EMC8: variants seen among roughly 807,000 people sequenced by gnomAD.
The protein encoded by EMC8 is ER membrane protein complex subunit 8.
EMC8 carries 11 observed loss-of-function variants against 24.3 expected under a neutral mutation model. The observed-to-expected ratio is 0.45, with a 90% CI of 0.28 to 0.75. The LOEUF (loss-of-function observed/expected upper bound fraction) is 0.75. Ranked by LOEUF, EMC8 falls within the 30% of genes least tolerant of loss-of-function variation. The pLI is 0.12. For missense variants in EMC8, 277 were observed against 282.7 expected (o/e 0.98, Z 0.14); for synonymous variants, 145 against 117.7 (o/e 1.23, Z -1.50).
intron 2 of EMC8, among the ~76,000 whole-genome samples, chr16:85,788,660 G>C (rs147864274): frequency 6.6e-6 from 1 of 152,162 alleles, no homozygotes; most frequent in African/African-American, 2.4e-5. Flanking sequence ...ACCACCCCTA[G>C]TCTGGGAAGG....
At chr16:85,782,157 C>A (rs992508715) in intron 2 of EMC8, among the ~76,000 whole-genome samples, 2 of 152,196 alleles carry the variant, frequency 1.3e-5, no homozygotes, top group Non-Finnish European at 2.9e-5. Flanking sequence ...AACTCCAAGC[C>A]TCCCGGGCCC....
At chr16:85,780,593 G>A (rs1328849337) in intron 3 of EMC8, 120 bp from the exon 4 acceptor site, 9 of 697,000 alleles carry the variant, frequency 1.3e-5, no homozygotes, top group African/African-American at 5.2e-5. Context: ...AGACTCTTCC[G>A]ACAGAGCCTG....
At position 85,780,527 on chromosome 16, in the gene EMC8, C is replaced by A. The variant is rs569607555; in HGVS notation, c.379-54G>T. 9 of 1,341,418 alleles carry A rather than the reference C, an allele frequency of 6.7e-6. No individual in the cohort carries two copies. The South Asian group carries it at 8.4e-5, about 13-fold the overall frequency. The allele number at this position is 1,341,418 out of a possible 1,614,324, so 83.1% of individuals were successfully genotyped here. A position where few individuals can be genotyped will look rare whatever the true frequency, so the allele number is the denominator to read the frequency against. Reference sequence around the variant, plus strand: ...GAACAGAATGCCAGCCAAACAGCAGCGGCAGGCGCCTCCTCGGGGCTCTCC... The same window carrying A: ...GAACAGAATGCCAGCCAAACAGCAGAGGCAGGCGCCTCCTCGGGGCTCTCC... On this transcript the variant is annotated intron_variant, in intron 3 of 4. Coordinates refer to ENST00000253457, the MANE Select transcript of EMC8 (RefSeq NM_006067.5).
chr16:85,779,971 G>C (rs1428930171), intron 4 of EMC8, 104 bp from the exon 5 acceptor site: 9 of 900,060 alleles, frequency 1.0e-5, no homozygotes, highest in Non-Finnish European at 1.8e-6. Context: ...TATGAACAGA[G>C]ATGGTGCAGA....
At chr16:85,780,595 C>T in intron 3 of EMC8, 122 bp from the exon 4 acceptor site, 3 of 695,248 alleles carry the variant, frequency 4.3e-6, no homozygotes, top group Non-Finnish European at 7.7e-6. Flanking sequence ...ACTCTTCCGA[C>T]AGAGCCTGTA....
At chr16:85,781,412 C>T (rs1904491152) in intron 2 of EMC8, 132 bp from the exon 3 acceptor site, 5 of 678,466 alleles carry the variant, frequency 7.4e-6, no homozygotes, top group South Asian at 1.6e-5. Context: ...TGCACGTGCT[C>T]GCTTCGCTGG....
intron 1 of EMC8, among the ~76,000 whole-genome samples, chr16:85,793,316 A>G (rs1354081462): frequency 6.6e-6 from 1 of 152,220 alleles, no homozygotes; most frequent in Non-Finnish European, 1.5e-5. Flanking sequence ...GAGCCTTCCT[A>G]TCTGCAGCAA....
intron 1 of EMC8, among the ~76,000 whole-genome samples, chr16:85,793,286 C>A (rs982141983): frequency 6.6e-6 from 1 of 152,230 alleles, no homozygotes; most frequent in Non-Finnish European, 1.5e-5. Context: ...CACTTACCAA[C>A]AAGATGAGGG....
chr16:85,794,760 C>T (rs78507372), intron 1 of EMC8, among the ~76,000 whole-genome samples: 9,596 of 152,148 alleles, frequency 0.063, 452 homozygotes, highest in East Asian at 0.27. Context: ...GAGTAGTTAC[C>T]GCAGGGAGTC....
intron 1 of EMC8, among the ~76,000 whole-genome samples, chr16:85,795,531 C>G (rs775955522): frequency 2.9e-5 from 3 of 104,040 alleles, no homozygotes; most frequent in African/African-American, 3.9e-5. Flanking sequence ...CTCCGCCTTT[C>G]TGACGGTGGG....
chr16:85,781,476 G>C, intron 2 of EMC8, 196 bp from the exon 3 acceptor site: 1 of 548,014 alleles, frequency 1.8e-6, no homozygotes, highest in Non-Finnish European at 3.3e-6. Context: ...TGCTGCCCTA[G>C]CTGGAGTGTA....
At position 85,781,359 on chromosome 16, in the gene EMC8, G is replaced by C. The variant is rs1216840490; in HGVS notation, c.309-79C>G. 6 of 905,392 alleles carry C rather than the reference G, an allele frequency of 6.6e-6. No individual in the cohort carries two copies. In the South Asian group the frequency reaches 6.7e-5, roughly 10 times the overall value. The allele number at this position is 905,392 out of a possible 1,614,324, so 56.1% of individuals were successfully genotyped here. On this transcript the variant is annotated intron_variant, in intron 2 of 4. Transcript: ENST00000253457. ...CAAAAGGCACAGTCAACACCACTGA[G>C]ACTTAACAAGCAATGACAGAAAGAC... is the stretch of plus-strand genomic sequence containing the variant.
intron 2 of EMC8, among the ~76,000 whole-genome samples, chr16:85,783,642 C>T (rs1185118800): frequency 3.9e-5 from 6 of 152,182 alleles, no homozygotes; most frequent in Non-Finnish European, 7.3e-5. Flanking sequence ...ACTGAGCTAC[C>T]GTGTGCAGCC....
At chr16:85,781,865 T>A (rs1904520735) in intron 2 of EMC8, 1 of 152,908 alleles carries the variant, frequency 6.5e-6, no homozygotes, top group South Asian at 2.1e-4. Flanking sequence ...AAAACCACCT[T>A]TGTGATCTTG....
At chr16:85,779,914 C>A (rs371669911) in intron 4 of EMC8, 47 bp from the exon 5 acceptor site, 12 of 1,567,806 alleles carry the variant, frequency 7.7e-6, no homozygotes, top group East Asian at 2.2e-5. Context: ...TGAAAACGGG[C>A]GGCTTGTAAC....
At chr16:85,781,174 G>A (rs746651661) in intron 3 of EMC8, 37 bp downstream of exon 3, 25 of 1,514,470 alleles carry the variant, frequency 1.7e-5, no homozygotes, top group East Asian at 4.5e-5. Flanking sequence ...GAGAGGAGGC[G>A]CAAGGGCCTC....
chr16:85,791,352 G>A (rs955736908), intron 1 of EMC8, among the ~76,000 whole-genome samples: 11 of 152,100 alleles, frequency 7.2e-5, no homozygotes, highest in African/African-American at 2.7e-4. Flanking sequence ...TGCAGAATAT[G>A]CAGGTTTGTT....
rs1904434728 is a variant in EMC8 at position 85,780,415 on chromosome 16, T to C, written c.437A>G (p.His146Arg). The change falls in exon 4 of 5, where the codon CAC (histidine) becomes CGC (arginine). Residue 146 changes from histidine (H) to arginine (R), a missense_variant. His to Arg is a conservative substitution (Grantham distance 29). Coordinates refer to ENST00000253457, the MANE Select transcript of EMC8 (RefSeq NM_006067.5). ...TCTGCACCGCCATCTGTTCTCATGGTGCTCGTACACGTGGATCGTAGGCGC... is the reference window on the plus strand; with the variant it reads ...TCTGCACCGCCATCTGTTCTCATGGCGCTCGTACACGTGGATCGTAGGCGC... ...CVAPTIHVYE[H>R]HENRWRCRDP... 1 of 1,614,116 alleles carries C rather than the reference T, an allele frequency of 6.2e-7. No individual in the cohort carries two copies. Among genetic ancestry groups the C allele is most frequent in the Non-Finnish European group, 8.5e-7 (1 of 1,180,028 alleles).
chr16:85,783,228 G>A (rs776001726), intron 2 of EMC8, among the ~76,000 whole-genome samples: 94 of 152,290 alleles, frequency 6.2e-4, no homozygotes, highest in Non-Finnish European at 1.2e-3. Flanking sequence ...GCTTGAACCC[G>A]GGAGGCGGGG....
Sources: allele counts gnomAD v4.1 joint callset (sites outside exome capture counted in the v4.1 genomes callset), GRCh38; gene constraint gnomAD v4.1.1; transcripts MANE v1.5; gene names NCBI Gene and HGNC (gene_info 2026-07-23, HGNC 2026-07-21).